RANBP9: variants seen among roughly 807,000 people sequenced by gnomAD.
The protein encoded by RANBP9 is RAN binding protein 9.
A neutral mutation model predicts 84.3 loss-of-function variants in RANBP9; 15 were observed. The ratio of observed to expected loss-of-function variants is 0.18; its 90% CI spans 0.12 to 0.27. RANBP9 has a LOEUF of 0.27. Ranked by LOEUF, RANBP9 falls within the 10% of genes least tolerant of loss-of-function variation. The pLI, the probability that RANBP9 is intolerant of heterozygous loss-of-function variation, is 1.00. For missense variants in RANBP9, 809 were observed against 912.8 expected (o/e 0.89, Z 1.46); for synonymous variants, 392 against 349.6 (o/e 1.12, Z -1.35).
At chr6:13,708,428 A>ATG (rs1758181375) in intron 1 of RANBP9, among the ~76,000 whole-genome samples, 1 of 152,174 alleles carries the variant, frequency 6.6e-6, no homozygotes, top group African/African-American at 2.4e-5. Flanking sequence ...CCTATCACAC[A>ATG]CACATACACA....
At chr6:13,629,924 G>C (rs1764732934) in intron 12 of RANBP9, among the ~76,000 whole-genome samples, 1 of 107,374 alleles carries the variant, frequency 9.3e-6, no homozygotes, top group African/African-American at 3.1e-5. Flanking sequence ...TCTCTCTCGT[G>C]TGTGTGTGTG....
intron 2 of RANBP9, among the ~76,000 whole-genome samples, chr6:13,684,732 C>T (rs1172019903): frequency 2.6e-5 from 4 of 152,106 alleles, no homozygotes; most frequent in Non-Finnish European, 4.4e-5. Context: ...GATACTCTAA[C>T]GGGTAGGACA....
intron 10 of RANBP9, among the ~76,000 whole-genome samples, chr6:13,636,607 G>C (rs1342461893): frequency 1.3e-5 from 2 of 152,134 alleles, no homozygotes; most frequent in African/African-American, 4.8e-5. Flanking sequence ...AAGTACCAAT[G>C]CATTTAGTAT....
chr6:13,651,899 TG>T (rs1303926925), intron 5 of RANBP9, among the ~76,000 whole-genome samples: 1 of 152,128 alleles, frequency 6.6e-6, no homozygotes, highest in Non-Finnish European at 1.5e-5. Context: ...CTACTACATA[TG>T]CTCTGCCCTC....
intron 2 of RANBP9, among the ~76,000 whole-genome samples, chr6:13,670,104 C>A (rs2113306124): frequency 6.6e-6 from 1 of 152,072 alleles, no homozygotes; most frequent in Admixed American, 6.6e-5. Context: ...ACCAGCCTAG[C>A]CGACATAGCA....
intron 1 of RANBP9, among the ~76,000 whole-genome samples, chr6:13,701,042 C>A (rs1427564420): frequency 6.6e-6 from 1 of 152,180 alleles, no homozygotes; most frequent in Non-Finnish European, 1.5e-5. Flanking sequence ...TTTCTAAAGC[C>A]TTCACGTCTA....
rs147505803 is a variant in RANBP9, at chr6:13,685,426, A to T, written c.683+11359T>A. Reference sequence around the variant, plus strand: ...ATCCTCTACAAAAAAATTCAAAAATAAGCCAGGCATAGGATACATCTCTGT... The same window carrying T: ...ATCCTCTACAAAAAAATTCAAAAATTAGCCAGGCATAGGATACATCTCTGT... On this transcript the variant is annotated intron_variant, in intron 2 of 13. Transcript: ENST00000011619. Among the ~76,000 whole-genome samples, 651 of 152,282 alleles carry T rather than the reference A, an allele frequency of 4.3e-3. 3 individuals carry two copies. The highest frequency in any genetic ancestry group is 0.015 in the African/African-American group (622 of 41,562).
chr6:13,695,967 G>A (rs951760631), intron 2 of RANBP9, among the ~76,000 whole-genome samples: 1 of 151,170 alleles, frequency 6.6e-6, no homozygotes, highest in Non-Finnish European at 1.5e-5. Flanking sequence ...CTTTGTCTTG[G>A]TAACTCAACT....
chr6:13,634,723 C>T (rs550017708), intron 10 of RANBP9, among the ~76,000 whole-genome samples, 171 bp from the exon 11 acceptor site: 4 of 152,258 alleles, frequency 2.6e-5, no homozygotes, highest in Non-Finnish European at 4.4e-5. Flanking sequence ...CCAAACATGT[C>T]GCTGACTTTT....
chr6:13,689,282 T>C (rs1343558993), intron 2 of RANBP9, among the ~76,000 whole-genome samples: 1 of 151,772 alleles, frequency 6.6e-6, no homozygotes, highest in African/African-American at 2.4e-5. Flanking sequence ...CCTTTTTTTT[T>C]TTTTTGAGAG....
At chr6:13,650,436 C>T (rs1196011356) in intron 5 of RANBP9, among the ~76,000 whole-genome samples, 1 of 152,144 alleles carries the variant, frequency 6.6e-6, no homozygotes, top group African/African-American at 2.4e-5. Context: ...CTTCCATCAT[C>T]TCTTTCAAAA....
intron 1 of RANBP9, among the ~76,000 whole-genome samples, chr6:13,708,567 T>C (rs1758188152): frequency 6.6e-6 from 1 of 152,252 alleles, no homozygotes; most frequent in African/African-American, 2.4e-5. Flanking sequence ...TTTGAAATTC[T>C]GTAATACGTG....
intron 2 of RANBP9, among the ~76,000 whole-genome samples, chr6:13,687,505 C>T (rs1358341340): frequency 6.6e-6 from 1 of 151,870 alleles, no homozygotes; most frequent in Non-Finnish European, 1.5e-5. Flanking sequence ...AAAAAAAATC[C>T]TCTTCTGGTA....
intron 2 of RANBP9, among the ~76,000 whole-genome samples, chr6:13,680,434 C>T (rs1312800996): frequency 6.6e-6 from 1 of 151,780 alleles, no homozygotes; most frequent in African/African-American, 2.4e-5. Context: ...TGAAAATGTC[C>T]ATGGAGCTCA....
At chr6:13,622,634 CA>C (rs1295317631) in intron 13 of RANBP9, 142 bp from the exon 14 acceptor site, 1 of 897,576 alleles carries the variant, frequency 1.1e-6, no homozygotes, top group African/African-American at 1.7e-5. Flanking sequence ...GGTTTCTAAG[CA>C]AAAGACAGAT....
intron 11 of RANBP9, among the ~76,000 whole-genome samples, chr6:13,634,012 CAA>C (rs1489005618): frequency 1.3e-5 from 2 of 151,286 alleles, no homozygotes; most frequent in Non-Finnish European, 1.5e-5. Context: ...TAGTACTATG[CAA>C]AGTCACACAC....
At chr6:13,678,315 T>C (rs1008406807) in intron 2 of RANBP9, among the ~76,000 whole-genome samples, 1 of 152,226 alleles carries the variant, frequency 6.6e-6, no homozygotes, top group Non-Finnish European at 1.5e-5. Flanking sequence ...ACACAGAAAT[T>C]ATTTGACAAG....
At chr6:13,647,413 T>C (rs1765194683) in intron 5 of RANBP9, among the ~76,000 whole-genome samples, 1 of 152,128 alleles carries the variant, frequency 6.6e-6, no homozygotes, top group Non-Finnish European at 1.5e-5. Context: ...CATTTTATAA[T>C]TGATCAATTG....
At chr6:13,698,963 G>A (rs565587744) in intron 1 of RANBP9, among the ~76,000 whole-genome samples, 3 of 152,086 alleles carry the variant, frequency 2.0e-5, no homozygotes, top group Non-Finnish European at 4.4e-5. Flanking sequence ...CTACTTCTAC[G>A]GGAAAAGAGA....
Sources: gnomAD v4.1 joint callset for allele counts (sites outside exome capture counted in the v4.1 genomes callset) on GRCh38, gnomAD v4.1.1 for gene constraint, MANE v1.5 for transcripts, NCBI Gene and HGNC (gene_info 2026-07-23, HGNC 2026-07-21) for gene names.